The following CHD1L variants were observed in gnomAD, a reference collection of about 807,000 sequenced individuals.
The protein encoded by CHD1L is ATP-dependent chromatin remodeler CHD1L.
In CHD1L, 118 loss-of-function variants were observed where a neutral mutation model predicts 115.9. That is an observed-to-expected ratio of 1.02 (90% CI 0.88 to 1.19). The LOEUF is 1.19. Ranked by LOEUF, CHD1L falls within the 50% of genes most tolerant of loss-of-function variation. The pLI is 0.00. For missense variants in CHD1L, 1,179 were observed against 1,065.3 expected, an observed-to-expected ratio of 1.11 and a Z score of -1.49; for synonymous variants, 411 against 387.1, an observed-to-expected ratio of 1.06 and a Z score of -0.72.
chr1:147,173,416 T>C, the CHD1L span: 1 of 152,282 alleles, frequency 6.6e-6, no homozygotes, highest in Non-Finnish European at 1.5e-5. Flanking sequence ...TCTAGCTCCT[T>C]GACAAATTAG....
chr1:147,263,428 CA>C (rs587643353), intron 6 of CHD1L, among the ~76,000 whole-genome samples: 17 of 124,450 alleles, frequency 1.4e-4, no homozygotes, highest in Admixed American at 3.3e-4. Context: ...GACCCTGTCT[CA>C]AAAAAAAAAA....
At chr1:147,219,839 G>GTTTT in the CHD1L span, among the ~76,000 whole-genome samples, 1 of 106,662 alleles carries the variant, frequency 9.4e-6, no homozygotes, top group Non-Finnish European at 1.8e-5. Context: ...AATGTTAATT[G>GTTTT]CTTTTTTTTT....
At chr1:147,178,221 G>A in the CHD1L span, 3 of 1,613,616 alleles carry the variant, frequency 1.9e-6, no homozygotes, top group Non-Finnish European at 2.5e-6. Context: ...ACAACTTGGA[G>A]AGTCGCATCT....
chr1:147,282,359 C>A (rs1681234403), intron 15 of CHD1L, among the ~76,000 whole-genome samples: 1 of 152,172 alleles, frequency 6.6e-6, no homozygotes, highest in African/African-American at 2.4e-5. Flanking sequence ...GCTCATGGCA[C>A]TCCTGCTCTT....
chr1:147,295,619 T>G lies in CHD1L; in HGVS notation c.*110T>G, dbSNP rs587757433. ...TCAGGATCTGGTGGGCCTCAGAAAT[T>G]GTCTCTTTTCTGAGTTTCAGTTTGG... is the stretch of plus-strand genomic sequence containing the variant. On this transcript the variant is annotated 3_prime_UTR_variant, in exon 23 of 23. Coordinates refer to ENST00000369258, the MANE Select transcript of CHD1L (RefSeq NM_004284.6). 1.3e-6 allele frequency: 1 copy of G among 788,090 alleles called. No individual in the cohort carries two copies. Among genetic ancestry groups the G allele is most frequent in the African/African-American group, 1.8e-5 (1 of 56,192 alleles). The allele number at this position is 788,090 out of a possible 1,614,324, so 48.8% of individuals were successfully genotyped here. A position where few individuals can be genotyped will look rare whatever the true frequency, so the allele number is the denominator to read the frequency against.
chr1:147,257,209 CTG>C (rs3835481), intron 5 of CHD1L, among the ~76,000 whole-genome samples: 14,283 of 152,180 alleles, frequency 0.094, 746 homozygotes, highest in East Asian at 0.16. Flanking sequence ...TCTATAACCT[CTG>C]TAGTTATTAC....
intron 1 of CHD1L, among the ~76,000 whole-genome samples, chr1:147,247,986 C>T (rs890155299): frequency 6.6e-6 from 1 of 152,202 alleles, no homozygotes. Flanking sequence ...GGGTACTCTT[C>T]CATCTCAAGC....
chr1:147,178,852 A>G, the CHD1L span: 1 of 1,584,456 alleles, frequency 6.3e-7, no homozygotes, highest in Non-Finnish European at 8.7e-7. Flanking sequence ...CTGCCCTCAC[A>G]TGACAGAAGA....
At chr1:147,209,217 A>T in the CHD1L span, among the ~76,000 whole-genome samples, 3 of 152,116 alleles carry the variant, frequency 2.0e-5, no homozygotes, top group East Asian at 1.9e-4. Flanking sequence ...CAGGAGATCG[A>T]GACCATCCTG....
upstream of CHD1L, among the ~76,000 whole-genome samples, chr1:147,239,641 A>T (rs1664707770): frequency 1.3e-5 from 2 of 152,186 alleles, no homozygotes. Flanking sequence ...TATTCAGAGC[A>T]AAACTTTTCT....
the CHD1L span, chr1:147,208,658 C>G: frequency 2.1e-6 from 1 of 477,706 alleles, no homozygotes. Context: ...AGGATGGTCT[C>G]AAACTCCTGA....
At chr1:147,254,259 C>T (rs1279987038) in intron 2 of CHD1L, among the ~76,000 whole-genome samples, 1 of 152,114 alleles carries the variant, frequency 6.6e-6, no homozygotes, top group Admixed American at 6.5e-5. Flanking sequence ...CTGTTTTCCC[C>T]GTTAGAATGT....
At chr1:147,258,133 A>G (rs1553941637) in intron 5 of CHD1L, among the ~76,000 whole-genome samples, 1 of 152,204 alleles carries the variant, frequency 6.6e-6, no homozygotes, top group Non-Finnish European at 1.5e-5. Context: ...TGGAGAGTTA[A>G]GGCTGTGCAT....
At chr1:147,176,847 G>T in the CHD1L span, among the ~76,000 whole-genome samples, 1 of 152,084 alleles carries the variant, frequency 6.6e-6, no homozygotes, top group South Asian at 2.1e-4. Context: ...TCTGTAAAAT[G>T]AGAGGAGTAG....
intron 7 of CHD1L, 27 bp from the exon 8 acceptor site, chr1:147,265,904 AC>A (rs1673714738): frequency 1.3e-6 from 2 of 1,591,142 alleles, no homozygotes. Context: ...TTTGTCCCAC[AC>A]TTCTTGTATT....
At chr1:147,264,620 C>T in intron 7 of CHD1L, 36 bp downstream of exon 7, 1 of 1,606,822 alleles carries the variant, frequency 6.2e-7, no homozygotes, top group African/African-American at 1.3e-5. Context: ...CCCAAGAAGC[C>T]TTGGCACAGA....
chr1:147,252,779 C>A, intron 2 of CHD1L, 44 bp downstream of exon 2: 1 of 1,435,534 alleles, frequency 7.0e-7, no homozygotes, highest in Non-Finnish European at 9.8e-7. Flanking sequence ...CACTGCGATA[C>A]TTCCTTATAA....
the CHD1L span, among the ~76,000 whole-genome samples, chr1:147,181,895 C>T: frequency 2.0e-5 from 3 of 152,118 alleles, no homozygotes; most frequent in Non-Finnish European, 2.9e-5. Flanking sequence ...GTTGGAGTAC[C>T]AGAGTGAATG....
the CHD1L span, among the ~76,000 whole-genome samples, chr1:147,217,741 G>A: frequency 6.6e-6 from 1 of 152,162 alleles, no homozygotes; most frequent in African/African-American, 2.4e-5. Flanking sequence ...TCTCTAAGGT[G>A]TGGCTGGACT....
Sources: allele counts gnomAD v4.1 joint callset (sites outside exome capture counted in the v4.1 genomes callset), GRCh38; gene constraint gnomAD v4.1.1; transcripts MANE v1.5; gene names NCBI Gene and HGNC (gene_info 2026-07-23, HGNC 2026-07-21).